CCDC3: variants seen among roughly 807,000 people sequenced by gnomAD.
CCDC3 encodes the protein coiled-coil domain-containing protein 3.
CCDC3 carries 24 observed loss-of-function variants against 21.4 expected under a neutral mutation model. That is an observed-to-expected ratio of 1.12 (90% CI 0.81 to 1.58). CCDC3 has a LOEUF of 1.58. Ranked by LOEUF, CCDC3 falls within the 40% of genes most tolerant of loss-of-function variation. The probability of loss-of-function intolerance (pLI) is 0.00; values close to 1 mark genes in which losing one functional copy is unlikely to be tolerated. For synonymous variants in CCDC3, 186 were observed against 166.0 expected, an observed-to-expected ratio of 1.12 and a Z score of -0.93; for missense variants, 425 against 360.9, an observed-to-expected ratio of 1.18 and a Z score of -1.44.
At chr10:12,900,648 G>A (rs528148911) in intron 2 of CCDC3, among the ~76,000 whole-genome samples, 3 of 133,956 alleles carry the variant, frequency 2.2e-5, no homozygotes, top group East Asian at 2.2e-4. Context: ...CCGAGATCGC[G>A]CCACTGCACT....
intron 5 of CCDC3, among the ~76,000 whole-genome samples, chr10:13,046,494 G>C (rs1836531668): frequency 6.6e-6 from 1 of 151,780 alleles, no homozygotes. Context: ...CCTGATGTCA[G>C]GAGTTCAAGA....
intron 2 of CCDC3, among the ~76,000 whole-genome samples, chr10:12,923,917 T>C (rs1047063045): frequency 3.3e-5 from 5 of 152,230 alleles, no homozygotes; most frequent in African/African-American, 1.2e-4. Context: ...ACCCTGCTCC[T>C]CTACCCACTC....
At chr10:13,038,374 CA>C (rs58667035) in intron 5 of CCDC3, among the ~76,000 whole-genome samples, 1,427 of 98,800 alleles carry the variant, frequency 0.014, 18 homozygotes, top group East Asian at 0.099. Context: ...AGTTGGAAAG[CA>C]AAAAAAAAAA....
chr10:13,005,374 T>A (rs1197311559), upstream of CCDC3, among the ~76,000 whole-genome samples: 1 of 152,224 alleles, frequency 6.6e-6, no homozygotes, highest in Non-Finnish European at 1.5e-5. Context: ...GCTTGCACCA[T>A]CTGGACCTGC....
chr10:12,974,191 G>C (rs1256523657), intron 2 of CCDC3, among the ~76,000 whole-genome samples: 1 of 152,224 alleles, frequency 6.6e-6, no homozygotes, highest in Non-Finnish European at 1.5e-5. Context: ...GATAGGAAAA[G>C]CCTGCCGGGT....
intron 5 of CCDC3, among the ~76,000 whole-genome samples, chr10:13,026,153 C>A (rs1272186577): frequency 6.6e-6 from 1 of 152,138 alleles, no homozygotes; most frequent in Non-Finnish European, 1.5e-5. Flanking sequence ...GTACTCCAGC[C>A]TGTGTGACAA....
intron 2 of CCDC3, among the ~76,000 whole-genome samples, chr10:12,909,822 T>C (rs1416805701): frequency 2.6e-5 from 4 of 152,188 alleles, no homozygotes; most frequent in Non-Finnish European, 4.4e-5. Flanking sequence ...TGATGCTGGT[T>C]TCCATGGGGT....
intron 2 of CCDC3, among the ~76,000 whole-genome samples, chr10:12,900,654 G>A (rs1378703882): frequency 3.6e-5 from 5 of 138,070 alleles, no homozygotes; most frequent in Non-Finnish European, 6.1e-5. Context: ...TCGCGCCACT[G>A]CACTCCAGCC....
At chr10:13,073,159 C>G (rs1376767559) in intron 4 of CCDC3, among the ~76,000 whole-genome samples, 1 of 152,046 alleles carries the variant, frequency 6.6e-6, no homozygotes, top group Non-Finnish European at 1.5e-5. Context: ...AGCCACTATC[C>G]CTGGCCACAC....
At chr10:13,039,063 G>A (rs1352952194) in intron 5 of CCDC3, among the ~76,000 whole-genome samples, 1 of 152,138 alleles carries the variant, frequency 6.6e-6, no homozygotes, top group East Asian at 1.9e-4. Flanking sequence ...CCACGCACAT[G>A]CTTCAGTTCA....
At chr10:12,978,264 A>C (rs1313174295) in intron 2 of CCDC3, among the ~76,000 whole-genome samples, 1 of 151,878 alleles carries the variant, frequency 6.6e-6, no homozygotes, top group Non-Finnish European at 1.5e-5. Context: ...GGTGATCCAC[A>C]CGCCTCAGCC....
chr10:13,032,387 C>G (rs1836316787), intron 5 of CCDC3, among the ~76,000 whole-genome samples: 1 of 152,150 alleles, frequency 6.6e-6, no homozygotes, highest in Non-Finnish European at 1.5e-5. Flanking sequence ...CAGTATCATA[C>G]TGAATGGGCA....
upstream of CCDC3, among the ~76,000 whole-genome samples, chr10:13,002,226 T>C (rs976561166): frequency 7.9e-5 from 12 of 152,208 alleles, no homozygotes; most frequent in African/African-American, 2.7e-4. Flanking sequence ...GCCCTGATTT[T>C]CTTGGTTTCC....
At chr10:12,949,944 T>C (rs759010081) in intron 2 of CCDC3, among the ~76,000 whole-genome samples, 1 of 152,198 alleles carries the variant, frequency 6.6e-6, no homozygotes, top group Non-Finnish European at 1.5e-5. Context: ...AGCAGCCATG[T>C]GGTATCCATA....
intron 2 of CCDC3, among the ~76,000 whole-genome samples, chr10:12,932,570 T>C (rs1834664057): frequency 6.6e-6 from 1 of 152,236 alleles, no homozygotes; most frequent in Non-Finnish European, 1.5e-5. Context: ...AGTCTTTTGC[T>C]ATTTGGGGGA....
intron 2 of CCDC3, among the ~76,000 whole-genome samples, chr10:12,921,897 C>G (rs984133090): frequency 6.6e-6 from 1 of 152,142 alleles, no homozygotes; most frequent in Non-Finnish European, 1.5e-5. Context: ...TGTGGGCCAC[C>G]ATGCCTGGCT....
intron 2 of CCDC3, among the ~76,000 whole-genome samples, chr10:12,995,681 G>C (rs1286346480): frequency 1.3e-5 from 2 of 152,218 alleles, no homozygotes; most frequent in Admixed American, 6.5e-5. Flanking sequence ...GCTCAGCAAA[G>C]TGAAATAATG....
intron 4 of CCDC3, among the ~76,000 whole-genome samples, chr10:13,064,128 G>C (rs1413275809): frequency 6.6e-6 from 1 of 152,112 alleles, no homozygotes; most frequent in Admixed American, 6.5e-5. Context: ...GTTTCACCAT[G>C]TTGGCCAGGT....
intron 2 of CCDC3, among the ~76,000 whole-genome samples, chr10:12,990,526 T>C (rs1283805486): frequency 1.3e-5 from 2 of 152,234 alleles, no homozygotes; most frequent in Non-Finnish European, 2.9e-5. Context: ...GACATTTTCT[T>C]GAAGGTGAAT....
Sources: allele counts gnomAD v4.1 joint callset (sites outside exome capture counted in the v4.1 genomes callset), GRCh38; gene constraint gnomAD v4.1.1; transcripts MANE v1.5; gene names NCBI Gene and HGNC (gene_info 2026-07-23, HGNC 2026-07-21).